Variants in SPTLC3 observed in about 807,000 individuals in gnomAD.
SPTLC3 encodes serine palmitoyltransferase long chain base subunit 3, also known as serine palmitoyltransferase 3.
In SPTLC3, 36 loss-of-function variants were observed where a neutral mutation model predicts 59.3. The ratio of observed to expected loss-of-function variants is 0.61; its 90% CI spans 0.47 to 0.80. SPTLC3 has a LOEUF of 0.80. Ranked by LOEUF, SPTLC3 falls within the 30% of genes least tolerant of loss-of-function variation. The pLI is 0.00. For missense variants in SPTLC3, 625 were observed against 685.1 expected, an observed-to-expected ratio of 0.91 and a Z score of 0.98; for synonymous variants, 257 against 240.8, an observed-to-expected ratio of 1.07 and a Z score of -0.62.
At chr20:13,104,755 G>A (rs1010943676) in intron 6 of SPTLC3, among the ~76,000 whole-genome samples, 50 of 152,196 alleles carry the variant, frequency 3.3e-4, no homozygotes, top group African/African-American at 1.2e-3. Context: ...CCATAGCACC[G>A]TGTGTGTGTG....
intron 7 of SPTLC3, among the ~76,000 whole-genome samples, chr20:13,115,737 G>A (rs1196449377): frequency 6.6e-6 from 1 of 152,070 alleles, no homozygotes; most frequent in African/African-American, 2.4e-5. Flanking sequence ...TTCCTCCTAA[G>A]CTCCTCCTCC....
intron 2 of SPTLC3, among the ~76,000 whole-genome samples, chr20:13,052,048 C>T (rs1391460907): frequency 1.3e-5 from 2 of 152,102 alleles, no homozygotes; most frequent in African/African-American, 2.4e-5. Flanking sequence ...AACGCAAACC[C>T]AGCAGAAGAA....
In SPTLC3 at chr20:13,110,173, C is replaced by T. The variant is rs779454871; in HGVS notation, c.888C>T (p.Arg296=). Residue 296 remains arginine (R), a synonymous_variant, in exon 7 of 12, where the codon CGC becomes CGT. Coordinates refer to ENST00000399002, the MANE Select transcript of SPTLC3 (RefSeq NM_018327.4). ...DAVIYGQPRT[R]RAWKKILILV... is the part of the protein sequence containing the mutation. ...TCATCTATGGCCAGCCTCGAACCCGCAGAGCTTGGAAAAAGATTCTCATCC... is the reference window on the plus strand; with the variant it reads ...TCATCTATGGCCAGCCTCGAACCCGTAGAGCTTGGAAAAAGATTCTCATCC... 3.6e-5 allele frequency: 58 copies of T among 1,613,602 alleles called. 1 individual carries two copies. In the East Asian group the frequency reaches 1.1e-3, roughly 31 times the overall value.
chr20:13,111,184 T>C (rs1204205575), intron 7 of SPTLC3, among the ~76,000 whole-genome samples: 1 of 152,228 alleles, frequency 6.6e-6, no homozygotes, highest in Non-Finnish European at 1.5e-5. Context: ...GGGTTCTGGA[T>C]GTTCCCAGTC....
chr20:13,083,088 T>G (rs1988893955), intron 4 of SPTLC3, among the ~76,000 whole-genome samples: 1 of 152,226 alleles, frequency 6.6e-6, no homozygotes, highest in East Asian at 1.9e-4. Context: ...CTGATCATCT[T>G]GACACCTGTG....
intron 9 of SPTLC3, among the ~76,000 whole-genome samples, chr20:13,142,383 G>T (rs1341301698): frequency 6.6e-6 from 1 of 152,126 alleles, no homozygotes; most frequent in African/African-American, 2.4e-5. Context: ...ATTCCATGTT[G>T]GTTCAGTACA....
intron 6 of SPTLC3, among the ~76,000 whole-genome samples, chr20:13,106,743 C>A (rs1483878920): frequency 1.3e-5 from 2 of 152,202 alleles, no homozygotes; most frequent in Non-Finnish European, 2.9e-5. Flanking sequence ...TCTCCCAGGG[C>A]CAACCTGAGA....
chr20:13,157,216 T>C (rs2038791456), intron 10 of SPTLC3, among the ~76,000 whole-genome samples: 1 of 150,618 alleles, frequency 6.6e-6, no homozygotes. Flanking sequence ...GGCAGATGGA[T>C]CACCTGAGGT....
At chr20:13,153,508 C>T (rs930358446) in intron 9 of SPTLC3, among the ~76,000 whole-genome samples, 2 of 152,020 alleles carry the variant, frequency 1.3e-5, no homozygotes, top group Non-Finnish European at 2.9e-5. Flanking sequence ...ATATGCTATC[C>T]CTACAAATTC....
At position 13,091,174 on chromosome 20, in the gene SPTLC3, T is replaced by G. The variant is rs1989201555; in HGVS notation, c.699T>G (p.Thr233=). 6 of 1,613,862 alleles carry G rather than the reference T, an allele frequency of 3.7e-6. No homozygotes were observed. The highest frequency in any genetic ancestry group is 5.1e-6 in the Non-Finnish European group (6 of 1,179,892). The change falls in exon 5 of 12, where the codon ACT becomes ACG. Residue 233 remains threonine (T), a synonymous_variant. Coordinates refer to ENST00000399002, the MANE Select transcript of SPTLC3 (RefSeq NM_018327.4). The part of the protein sequence containing the change: ...AAMVFGMGFA[T]NSMNIPALVG... Reference sequence around the variant, plus strand: ...TGGTCTTTGGGATGGGATTCGCAACTAACTCAATGAATATCCCAGCATTAG... The same window carrying G: ...TGGTCTTTGGGATGGGATTCGCAACGAACTCAATGAATATCCCAGCATTAG...
chr20:13,037,927 G>A (rs1314941429), intron 1 of SPTLC3, among the ~76,000 whole-genome samples: 2 of 151,924 alleles, frequency 1.3e-5, no homozygotes, highest in African/African-American at 2.4e-5. Flanking sequence ...ATACCAGCTC[G>A]TGACTGCCTC....
At chr20:13,063,496 A>G (rs1988051754) in intron 2 of SPTLC3, among the ~76,000 whole-genome samples, 1 of 151,958 alleles carries the variant, frequency 6.6e-6, no homozygotes, top group South Asian at 2.1e-4. Flanking sequence ...TCGTGTTTAT[A>G]AAATGTTCCT....
At chr20:13,164,307 G>C (rs866204101) in intron 11 of SPTLC3, 2 of 470,968 alleles carry the variant, frequency 4.2e-6, no homozygotes, top group Non-Finnish European at 8.8e-6. Context: ...TGAGAGGACA[G>C]AGGATGATGT....
chr20:13,026,388 C>G (rs539776912), intron 1 of SPTLC3, among the ~76,000 whole-genome samples: 1 of 152,134 alleles, frequency 6.6e-6, no homozygotes. Context: ...TTGCCAGCAT[C>G]TGTTATTTCT....
intron 9 of SPTLC3, among the ~76,000 whole-genome samples, chr20:13,127,969 T>C (rs1173821717): frequency 6.6e-6 from 1 of 152,190 alleles, no homozygotes; most frequent in Non-Finnish European, 1.5e-5. Flanking sequence ...GTGATACTAT[T>C]CACTCGTATG....
chr20:13,103,735 T>C (rs1482754862), intron 6 of SPTLC3, among the ~76,000 whole-genome samples: 1 of 152,114 alleles, frequency 6.6e-6, no homozygotes, highest in Non-Finnish European at 1.5e-5. Flanking sequence ...AAATGGGCAG[T>C]GAGTGAAGAT....
chr20:13,035,776 T>C lies in SPTLC3; in HGVS notation c.118-13169T>C, dbSNP rs557399375. On this transcript the variant is annotated intron_variant, in intron 1 of 11. Transcript: ENST00000399002. ...ATGATCTGGGCTGAGACTTGAGTTTTATAAAGCATTTCTAAACATTTGTAT... is the reference window on the plus strand; with the variant it reads ...ATGATCTGGGCTGAGACTTGAGTTTCATAAAGCATTTCTAAACATTTGTAT... Among the ~76,000 whole-genome samples the C allele has an allele frequency of 4.6e-5, 7 of 152,318 alleles. No homozygotes were observed. In the South Asian group the frequency reaches 1.4e-3, roughly 32 times the overall value.
chr20:13,074,948 C>T lies in SPTLC3; in HGVS notation c.607+451C>T, dbSNP rs138736347. Among the ~76,000 whole-genome samples the T allele has an allele frequency of 3.6e-3, 549 of 152,240 alleles. 3 individuals are homozygous for T. Among genetic ancestry groups the T allele is most frequent in the African/African-American group, 0.012 (505 of 41,534 alleles). On this transcript the variant is annotated intron_variant, in intron 4 of 11. Transcript: ENST00000399002. The stretch of plus-strand genomic sequence containing the variant: ...GAATGAATGGACCAGGTGAAGCAGA[C>T]GAGCAGCCTGCCTCTTTATTTTCCT...
At chr20:13,033,475 A>T (rs1459551316) in intron 1 of SPTLC3, among the ~76,000 whole-genome samples, 1 of 152,240 alleles carries the variant, frequency 6.6e-6, no homozygotes, top group South Asian at 2.1e-4. Context: ...AACAGTGAAG[A>T]GAGGCTTTTA....
Sources: gnomAD v4.1 joint callset for allele counts (sites outside exome capture counted in the v4.1 genomes callset) on GRCh38, gnomAD v4.1.1 for gene constraint, MANE v1.5 for transcripts, NCBI Gene and HGNC (gene_info 2026-07-23, HGNC 2026-07-21) for gene names.